RHPN1: variants seen among roughly 807,000 people sequenced by gnomAD.
RHPN1 encodes rhophilin-1.
In RHPN1, 77 loss-of-function variants were observed where a neutral mutation model predicts 74.7. That is an observed-to-expected ratio of 1.03 (90% confidence interval 0.86 to 1.25). RHPN1 has a LOEUF of 1.25. Ranked by LOEUF, RHPN1 falls within the 50% of genes most tolerant of loss-of-function variation. RHPN1 has a pLI of 0.00. For missense variants in RHPN1, 987 were observed against 932.2 expected, an observed-to-expected ratio of 1.06 and a Z score of -0.77; for synonymous variants, 444 against 414.5, an observed-to-expected ratio of 1.07 and a Z score of -0.87.
rs752421995 is a variant in RHPN1, at chr8:143,381,932, G to A, written c.1761G>A (p.Val587=). ...GAGAGGCGGGCGCCAGCCTGCAGGT[G>A]GTGTCGCTGCTGCCCAGCTCTAGAC... ...AAGEAGASLQ[V]VSLLPSSRLP... The change falls in exon 14 of 15, where the codon GTG becomes GTA. Residue 587 remains valine, a synonymous_variant. Transcript: ENST00000289013. The A allele has an allele frequency of 1.9e-6, 3 of 1,609,522 alleles. No individual in the cohort carries two copies. Among genetic ancestry groups the A allele is most frequent in the Non-Finnish European group, 2.5e-6 (3 of 1,178,618 alleles).
Position 143,380,764 on chromosome 8 carries a change from C to A in RHPN1, c.1392C>A (p.Ala464=). ...GTGAGGATGACTTCTGTGAGGCTGCCGAGGCCCCGGACATCCAGCGTGAGC... is the reference window on the plus strand; with the variant it reads ...GTGAGGATGACTTCTGTGAGGCTGCAGAGGCCCCGGACATCCAGCGTGAGC... ...LDREDDFCEA[A]EAPDIQPKTH... Residue 464 remains alanine (A), a synonymous_variant, in exon 11 of 15, where the codon GCC becomes GCA. Transcript: ENST00000289013. The A allele has an allele frequency of 6.3e-7, 1 of 1,581,424 alleles. No individual in the cohort carries two copies. Among genetic ancestry groups the A allele is most frequent in the Non-Finnish European group, 8.6e-7 (1 of 1,162,624 alleles).
chr8:143,378,260 C>T lies in RHPN1; in HGVS notation c.382-9C>T. The T allele has an allele frequency of 1.3e-6, 2 of 1,564,366 alleles. No homozygotes were observed. The highest frequency in any genetic ancestry group is 1.7e-6 in the Non-Finnish European group (2 of 1,154,434). ...GGTACTGTGGATGCCAACACCTGCC[C>T]CCCATCAGGAGCTGATCTCAGTGCA... On this transcript the variant is annotated splice_polypyrimidine_tract_variant and intron_variant, in intron 4 of 14. Transcript: ENST00000289013.
intron 11 of RHPN1, 83 bp downstream of exon 11, chr8:143,380,866 A>T: frequency 1.8e-6 from 2 of 1,128,118 alleles, no homozygotes; most frequent in Non-Finnish European, 2.5e-6. Flanking sequence ...GGCTGATTGC[A>T]TTAAAGATGC....
rs1443807953 is a variant in RHPN1 at position 143,384,011 on chromosome 8, G to C, written c.*1360G>C. 1 of 152,242 alleles carries C rather than the reference G, an allele frequency of 6.6e-6. No individual in the cohort carries two copies. 9.4% of individuals were successfully genotyped at this position (152,242 alleles called of 1,614,324 possible). On this transcript the variant is annotated 3_prime_UTR_variant, in exon 15 of 15. Transcript: ENST00000289013. The stretch of plus-strand genomic sequence containing the variant: ...TTCAGCCAAGAAAATGGGGGTGCAA[G>C]TAGGGTGTTTGGGGTCCCAGAGACG...
intron 3 of RHPN1, 120 bp downstream of exon 3, chr8:143,376,773 T>TGC: frequency 8.2e-7 from 1 of 1,223,242 alleles, no homozygotes; most frequent in South Asian, 1.5e-5. Context: ...TCTGTGTGTG[T>TGC]GCGTGTGTGC....
At position 143,375,613 on chromosome 8, in the gene RHPN1, C is replaced by A. The variant is rs775558506; in HGVS notation, c.121C>A (p.His41Asn). 1.2e-6 allele frequency: 2 copies of A among 1,609,076 alleles called. No individual in the cohort carries two copies. Among genetic ancestry groups the A allele is most frequent in the Non-Finnish European group, 1.7e-6 (2 of 1,178,402 alleles). Residue 41 changes from histidine to asparagine, a missense_variant, in exon 2 of 15, where the codon CAC becomes AAC. Transcript: ENST00000289013. ...GQLQSRRAQI[H>N]QQIDKELQMR... ...GCTGCAGAGCCGCAGGGCCCAGATT[C>A]ACCAGCAGATTGACAAGGAGCTGCA...
At chr8:143,367,131 A>C (rs1817572494), upstream of RHPN1, 1 of 152,154 alleles carries the variant, frequency 6.6e-6, no homozygotes, top group Non-Finnish European at 1.5e-5. Flanking sequence ...GAACCCACCA[A>C]GTGGACGACA....
At chr8:143,370,705 G>T (rs535003667) in intron 1 of RHPN1, among the ~76,000 whole-genome samples, 5 of 152,274 alleles carry the variant, frequency 3.3e-5, no homozygotes, top group Non-Finnish European at 5.9e-5. Context: ...CTGATGAACA[G>T]GGTGAGTAAG....
At chr8:143,365,978 G>C (rs1817551695), upstream of RHPN1, among the ~76,000 whole-genome samples, 3 of 148,360 alleles carry the variant, frequency 2.0e-5, no homozygotes, top group Admixed American at 2.0e-4. Context: ...CTCCAGCCTG[G>C]GCGACAGAGA....
At position 143,377,368 on chromosome 8, in the gene RHPN1, T is replaced by G; in HGVS notation, c.306-12T>G. 6.2e-7 allele frequency: 1 copy of G among 1,611,598 alleles called. No homozygotes were observed. Among genetic ancestry groups the G allele is most frequent in the Non-Finnish European group, 8.5e-7 (1 of 1,178,160 alleles). On this transcript the variant is annotated splice_polypyrimidine_tract_variant and intron_variant, in intron 3 of 14. Coordinates refer to ENST00000289013, the MANE Select transcript of RHPN1 (RefSeq NM_052924.3). ...TGGCCTTACAGTCTGAAGTCGATGC[T>G]TCTGGTTACAGCGAAGCTGTCACTG...
rs200764883 is a variant in RHPN1, at chr8:143,375,522, C to T, written c.61-31C>T. ...CAGCCTGGTGCGGGCGCCACGGGGTCGGGCTGTGATCGCCTGTGGCCTCCC... is the reference window on the plus strand; with the variant it reads ...CAGCCTGGTGCGGGCGCCACGGGGTTGGGCTGTGATCGCCTGTGGCCTCCC... On this transcript the variant is annotated intron_variant, in intron 1 of 14. Transcript: ENST00000289013. The T allele has an allele frequency of 1.2e-4, 175 of 1,504,448 alleles. No homozygotes were observed. The African/African-American group carries it at 1.7e-3, about 15-fold the overall frequency. 93.2% of individuals were successfully genotyped at this position (1,504,448 alleles called of 1,614,324 possible).
At position 143,382,519 on chromosome 8, in the gene RHPN1, G is replaced by A. The variant is rs367783234; in HGVS notation, c.1881G>A (p.Thr627=). ...REHGCKTPAS[T]WASPRPLLNW... Reference sequence around the variant, plus strand: ...ATGGTTGCAAGACCCCGGCATCCACGTGGGCCAGTCCCCGGCCCCTCCTCA... The same window carrying A: ...ATGGTTGCAAGACCCCGGCATCCACATGGGCCAGTCCCCGGCCCCTCCTCA... The change falls in exon 15 of 15, where the codon ACG becomes ACA. Residue 627 remains threonine (T), a synonymous_variant. Transcript: ENST00000289013. The A allele has an allele frequency of 2.4e-4, 384 of 1,610,102 alleles. 2 individuals are homozygous for A. Among genetic ancestry groups the A allele is most frequent in the Non-Finnish European group, 2.9e-4 (338 of 1,178,966 alleles).
chr8:143,377,904 C>T (rs1049149876), intron 4 of RHPN1, among the ~76,000 whole-genome samples: 5 of 152,236 alleles, frequency 3.3e-5, no homozygotes, highest in Admixed American at 2.0e-4. Flanking sequence ...GACTGTGTTC[C>T]GTGTCCGAGT....
chr8:143,378,323 AG>A lies in RHPN1; in HGVS notation c.439del (p.Glu147SerfsTer110). The A allele has an allele frequency of 6.4e-7, 1 of 1,561,046 alleles. No homozygotes were observed. On this transcript the variant is annotated frameshift_variant, in exon 5 of 15. Coordinates refer to ENST00000289013, the MANE Select transcript of RHPN1 (RefSeq NM_052924.3). LOFTEE classifies it high-confidence loss of function. ...EDGASYEAEI[R>X]ELEALRQAMR... is the part of the protein sequence containing the mutation. ...CGGCGCCTCCTACGAGGCAGAAATCAGGGAGCTGGAGGCCCTGCGGCAGGTG... is the reference window on the plus strand; with the variant it reads ...CGGCGCCTCCTACGAGGCAGAAATCAGGAGCTGGAGGCCCTGCGGCAGGTG...
chr8:143,378,362 G>GCCCCCCCCCC lies in RHPN1; in HGVS notation c.459+19_459+20insCCCCCCCCCC, dbSNP rs1586823197. ...CCTGCGGCAGGTGTGTGGTTCCCCC[G>GCCCCCCCCCC]CCCACCCACCCTCCTGCAGCCCTGG... On this transcript the variant is annotated intron_variant, in intron 5 of 14. Transcript: ENST00000289013. 2.2e-6 allele frequency: 3 copies of GCCCCCCCCCC among 1,386,116 alleles called. No individual in the cohort carries two copies. The highest frequency in any genetic ancestry group is 1.9e-6 in the Non-Finnish European group (2 of 1,058,220). The allele number at this position is 1,386,116 out of a possible 1,614,324, so 85.9% of individuals were successfully genotyped here.
At position 143,376,652 on chromosome 8, in the gene RHPN1, A is replaced by G. The variant is rs200736612; in HGVS notation, c.304A>G (p.Ser102Gly). 4 of 1,563,030 alleles carry G rather than the reference A, an allele frequency of 2.6e-6. No individual in the cohort carries two copies. The South Asian group carries it at 4.7e-5, about 18-fold the overall frequency. Residue 102 changes from serine to glycine, a missense_variant and splice_region_variant, in exon 3 of 15, where the codon AGC becomes GGC. Transcript: ENST00000289013. ...SGGVDPGRHGSEAVTVPMIPL... is the reference protein window; with the variant it reads ...SGGVDPGRHGGEAVTVPMIPL... ...TGGCGTGGACCCTGGCCGGCATGGG[A>G]GGTGCGGGTGGGGGCCGGGACAGCA... is the stretch of plus-strand genomic sequence containing the variant.
Position 143,378,729 on chromosome 8 carries a change from C to A in RHPN1, c.493C>A (p.Leu165Met), listed in dbSNP as rs1343274811. 1.3e-6 allele frequency: 2 copies of A among 1,594,832 alleles called. No homozygotes were observed. Among genetic ancestry groups the A allele is most frequent in the Non-Finnish European group, 1.7e-6 (2 of 1,171,508 alleles). The change falls in exon 6 of 15, where the codon CTG (leucine) becomes ATG (methionine). Residue 165 changes from leucine (L) to methionine (M), a missense_variant. Physicochemically the swap from Leu to Met is conservative, Grantham distance 15. Transcript: ENST00000289013. ...MRTPSRNESG[L>M]ELLTAYYNQL... is the part of the protein sequence containing the mutation. ...GACCCCCAGCCGGAATGAGTCGGGC[C>A]TGGAGCTGCTCACAGCCTATTACAA...
At position 143,375,593 on chromosome 8, in the gene RHPN1, A is replaced by G; in HGVS notation, c.101A>G (p.Gln34Arg). 1 of 1,606,656 alleles carries G rather than the reference A, an allele frequency of 6.2e-7. No individual in the cohort carries two copies. The highest frequency in any genetic ancestry group is 8.5e-7 in the Non-Finnish European group (1 of 1,177,638). The part of the protein sequence containing the change: ...SLTQIQCGQL[Q>R]SRRAQIHQQI... Reference sequence around the variant, plus strand: ...ACGCAGATCCAGTGCGGCCAGCTGCAGAGCCGCAGGGCCCAGATTCACCAG... The same window carrying G: ...ACGCAGATCCAGTGCGGCCAGCTGCGGAGCCGCAGGGCCCAGATTCACCAG... The change falls in exon 2 of 15, where the codon CAG becomes CGG. Residue 34 changes from glutamine to arginine, a missense_variant. Gln to Arg is a conservative substitution (Grantham distance 43). Coordinates refer to ENST00000289013, the MANE Select transcript of RHPN1 (RefSeq NM_052924.3).
rs1215028753 is a variant in RHPN1 at position 143,376,602 on chromosome 8, A to AGGAGGAGCT, written c.264_272dup (p.Glu89_Leu91dup). On this transcript the variant is annotated inframe_insertion, in exon 3 of 15. Coordinates refer to ENST00000289013, the MANE Select transcript of RHPN1 (RefSeq NM_052924.3). ...GTCAACTCCAACCTGCAGCTGCTGA[A>AGGAGGAGCT]GGAGGAGCTGGAGGAGCTCAGCGGT... 9.4e-6 allele frequency: 15 copies of AGGAGGAGCT among 1,600,946 alleles called. No individual in the cohort carries two copies. Among genetic ancestry groups the AGGAGGAGCT allele is most frequent in the Non-Finnish European group, 1.2e-5 (14 of 1,174,288 alleles).
Sources: allele counts gnomAD v4.1 joint callset (sites outside exome capture counted in the v4.1 genomes callset), GRCh38; gene constraint gnomAD v4.1.1; transcripts MANE v1.5; gene names NCBI Gene and HGNC (gene_info 2026-07-23, HGNC 2026-07-21).